The following APBA1 variants were observed in gnomAD, a reference collection of about 807,000 sequenced individuals.
APBA1 encodes the protein amyloid beta precursor protein binding family A member 1, also known as amyloid-beta A4 precursor protein-binding family A member 1.
A neutral mutation model predicts 86.6 loss-of-function variants in APBA1; 55 were observed. That is an observed-to-expected ratio of 0.64 (90% confidence interval 0.51 to 0.80). The LOEUF is 0.80. Among genes scored for constraint, APBA1 ranks in the 30% least tolerant of loss-of-function variants. The pLI, the probability that APBA1 is intolerant of heterozygous loss-of-function variation, is 0.00. For missense variants in APBA1, 1,090 were observed against 1,183.0 expected (o/e 0.92, Z 1.15); for synonymous variants, 511 against 493.9 (o/e 1.03, Z -0.46).
Position 69,516,751 on chromosome 9 carries a change from AGTGGAAGTGCAG to A in APBA1, c.448_459del (p.Leu150_His153del). 6.2e-7 allele frequency: 1 copy of A among 1,612,010 alleles called. No homozygotes were observed. Among genetic ancestry groups the A allele is most frequent in the Non-Finnish European group, 8.5e-7 (1 of 1,179,436 alleles). ...TTCATGGCTTCCTCGTGCTCCAGCG[AGTGGAAGTGCAG>A]GTGGTTGGGCAGCGCGCGGCGGTGC... On this transcript the variant is annotated inframe_deletion, in exon 2 of 13. Transcript: ENST00000265381. This position sits in a 1 kb window ranked among gnomAD's most constrained non-coding sequence, Gnocchi z 7.3.
chr9:69,604,303 G>A (rs549011751), intron 1 of APBA1, among the ~76,000 whole-genome samples: 7 of 149,430 alleles, frequency 4.7e-5, no homozygotes, highest in Non-Finnish European at 1.0e-4. Flanking sequence ...AGGGTAAGTG[G>A]AGAGGCACAT....
At chr9:69,533,994 A>G (rs1027595611) in intron 1 of APBA1, among the ~76,000 whole-genome samples, 4 of 152,236 alleles carry the variant, frequency 2.6e-5, no homozygotes, top group African/African-American at 4.8e-5. Context: ...CATGACATCC[A>G]ATTATAGAAG....
At chr9:69,602,472 G>A (rs915419447) in intron 1 of APBA1, among the ~76,000 whole-genome samples, 1 of 152,052 alleles carries the variant, frequency 6.6e-6, no homozygotes, top group Non-Finnish European at 1.5e-5. Context: ...TTGGGAGGCT[G>A]AGGCAGGAGA....
chr9:69,572,695 G>A (rs1837135014), intron 1 of APBA1, among the ~76,000 whole-genome samples: 1 of 152,090 alleles, frequency 6.6e-6, no homozygotes, highest in South Asian at 2.1e-4. Context: ...GCCACATTTT[G>A]TTTGCCTGTT....
chr9:69,498,092 A>T (rs945251155), intron 2 of APBA1, among the ~76,000 whole-genome samples: 2 of 152,116 alleles, frequency 1.3e-5, no homozygotes, highest in African/African-American at 4.8e-5. Flanking sequence ...CGGCTGAGTG[A>T]CTTACTCTAA....
At chr9:69,569,181 C>T (rs893146791) in intron 1 of APBA1, among the ~76,000 whole-genome samples, 2 of 152,142 alleles carry the variant, frequency 1.3e-5, no homozygotes, top group African/African-American at 2.4e-5. Context: ...CCTAGGGAGG[C>T]TGCATTTTTC....
intron 1 of APBA1, among the ~76,000 whole-genome samples, chr9:69,554,791 TAA>T (rs11305616): frequency 4.6e-5 from 7 of 150,850 alleles, no homozygotes; most frequent in East Asian, 1.9e-4. Flanking sequence ...ATTTTTAGGG[TAA>T]AAAAAAAACA....
intron 2 of APBA1, among the ~76,000 whole-genome samples, chr9:69,476,442 T>C (rs1412190251): frequency 6.6e-6 from 1 of 152,210 alleles, no homozygotes. Flanking sequence ...AAATCCTAAA[T>C]GAATTGAGCT....
rs555076128 is a variant in APBA1 at position 69,637,044 on chromosome 9, A to C, written c.-70+35109T>G. On this transcript the variant is annotated intron_variant, in intron 1 of 12. Transcript: ENST00000265381. ...CAGCCATATAAAAGAATGAGATCCT[A>C]AATGAAATCCTGTCATCTGCAACAG... 3.3e-5 allele frequency among the ~76,000 whole-genome samples: 5 copies of C among 152,308 alleles called. No homozygotes were observed. The East Asian group carries it at 7.7e-4, about 24-fold the overall frequency.
chr9:69,500,831 C>A (rs1010473221), intron 2 of APBA1, among the ~76,000 whole-genome samples: 60 of 151,982 alleles, frequency 3.9e-4, no homozygotes, highest in Non-Finnish European at 4.4e-5. Flanking sequence ...TGGATAGAGG[C>A]GAGATCCGCA....
At chr9:69,451,394 A>G (rs1473482773) in intron 9 of APBA1, among the ~76,000 whole-genome samples, 1 of 152,188 alleles carries the variant, frequency 6.6e-6, no homozygotes, top group Admixed American at 6.5e-5. Context: ...TTTCTCATTA[A>G]AAGTTCTTTT....
chr9:69,629,393 A>G (rs972009540), intron 1 of APBA1, among the ~76,000 whole-genome samples: 1 of 152,218 alleles, frequency 6.6e-6, no homozygotes, highest in Admixed American at 6.5e-5. Context: ...TTCATGATTA[A>G]CCTCATTTCT....
chr9:69,588,286 G>T (rs892457005), intron 1 of APBA1, among the ~76,000 whole-genome samples: 1 of 152,102 alleles, frequency 6.6e-6, no homozygotes, highest in Non-Finnish European at 1.5e-5. Flanking sequence ...TCATTAAAAA[G>T]CTTATTGACA....
At chr9:69,611,746 G>T (rs1450199947) in intron 1 of APBA1, among the ~76,000 whole-genome samples, 2 of 152,184 alleles carry the variant, frequency 1.3e-5, no homozygotes, top group Admixed American at 6.5e-5. Flanking sequence ...GTATTTATTT[G>T]TGTGTGGGTA....
chr9:69,525,351 G>A (rs550690509), intron 1 of APBA1, among the ~76,000 whole-genome samples: 33 of 152,078 alleles, frequency 2.2e-4, no homozygotes, highest in African/African-American at 6.3e-4. Context: ...ATGCCAAAAG[G>A]CTCCTAGAAC....
At chr9:69,629,709 A>AC (rs1007819047) in intron 1 of APBA1, among the ~76,000 whole-genome samples, 8 of 152,322 alleles carry the variant, frequency 5.3e-5, no homozygotes, top group African/African-American at 1.9e-4. Context: ...TTCATTGAGC[A>AC]CTGCTATGTA....
intron 11 of APBA1, among the ~76,000 whole-genome samples, chr9:69,437,115 C>G (rs1005174714): frequency 6.6e-6 from 1 of 151,850 alleles, no homozygotes; most frequent in Non-Finnish European, 1.5e-5. Flanking sequence ...CCTTGCATCC[C>G]AGGGATGAAG....
rs142940516 is a variant in APBA1 at position 69,606,753 on chromosome 9, A to G, written c.-70+65400T>C. On this transcript the variant is annotated intron_variant, in intron 1 of 12. Transcript: ENST00000265381. ...GTGATGCGCACGCCTCGGCCTCCCA[A>G]AGTGCTGGGATTACAGGCTTGAGCC... 5.9e-3 allele frequency among the ~76,000 whole-genome samples: 901 copies of G among 152,056 alleles called. 10 individuals carry two copies. The highest frequency in any genetic ancestry group is 0.021 in the African/African-American group (852 of 41,476).
chr9:69,487,979 G>C (rs1233533205), intron 2 of APBA1, among the ~76,000 whole-genome samples: 4 of 152,146 alleles, frequency 2.6e-5, no homozygotes, highest in Non-Finnish European at 4.4e-5. Context: ...ATAAAGTGCA[G>C]AGGTGCAAAT....
Sources: allele counts gnomAD v4.1 joint callset (sites outside exome capture counted in the v4.1 genomes callset), GRCh38; gene constraint gnomAD v4.1.1; non-coding constraint Gnocchi (gnomAD v3.1); transcripts MANE v1.5; gene names NCBI Gene and HGNC (gene_info 2026-07-23, HGNC 2026-07-21).